HABP2: variants seen among roughly 807,000 people sequenced by gnomAD.
HABP2 encodes hyaluronan binding protein 2.
In HABP2, 65 loss-of-function variants were observed where a neutral mutation model predicts 66.5. The observed-to-expected ratio is 0.98, with a 90% CI of 0.80 to 1.20. HABP2 has a LOEUF of 1.20. HABP2 is among the 50% of genes most tolerant of loss of function. The pLI is 0.00. For missense variants in HABP2, 786 were observed against 691.0 expected (o/e 1.14, Z -1.54); for synonymous variants, 263 against 253.9 (o/e 1.04, Z -0.34).
chr10:113,589,598 A>G lies in HABP2; in HGVS notation c.*1229A>G. 1 of 1,548,370 alleles carries G rather than the reference A, an allele frequency of 6.5e-7. No homozygotes were observed. Among genetic ancestry groups the G allele is most frequent in the Non-Finnish European group, 8.7e-7 (1 of 1,148,910 alleles). On this transcript the variant is annotated 3_prime_UTR_variant, in exon 13 of 13. Coordinates refer to ENST00000351270, the MANE Select transcript of HABP2 (RefSeq NM_004132.5). Reference sequence around the variant, plus strand: ...CTTTGGCCAAAAATAAACTTTGAAAAGAAACAATGAGTTTGTCTTTCCCCA... The same window carrying G: ...CTTTGGCCAAAAATAAACTTTGAAAGGAAACAATGAGTTTGTCTTTCCCCA...
chr10:113,567,966 G>A (rs758183275), intron 2 of HABP2, among the ~76,000 whole-genome samples: 9 of 152,214 alleles, frequency 5.9e-5, no homozygotes, highest in Non-Finnish European at 8.8e-5. Context: ...CTGCCCTGGT[G>A]ATACCCTCAC....
intron 2 of HABP2, among the ~76,000 whole-genome samples, chr10:113,570,469 T>C (rs565142368): frequency 2.6e-4 from 40 of 152,348 alleles, no homozygotes; most frequent in African/African-American, 9.6e-4. Flanking sequence ...TGCCCCTTTC[T>C]TTCCCAAAGC....
intron 1 of HABP2, among the ~76,000 whole-genome samples, chr10:113,559,158 G>A (rs1379893066): frequency 1.3e-5 from 2 of 152,122 alleles, no homozygotes; most frequent in Non-Finnish European, 2.9e-5. Context: ...CCCAGCCTTC[G>A]CTTGCCTTTT....
intron 2 of HABP2, among the ~76,000 whole-genome samples, chr10:113,572,382 T>C (rs2133764635): frequency 6.6e-6 from 1 of 152,328 alleles, no homozygotes; most frequent in South Asian, 2.1e-4. Context: ...AAGAAGTAAT[T>C]CTTAATGGCC....
chr10:113,554,249 C>T (rs1175528608), intron 1 of HABP2, among the ~76,000 whole-genome samples: 1 of 152,122 alleles, frequency 6.6e-6, no homozygotes, highest in Admixed American at 6.5e-5. Flanking sequence ...CCGCCTTGTT[C>T]GGGAGGGGTG....
In HABP2 at chr10:113,578,770, C is replaced by T. The variant is rs1314499963; in HGVS notation, c.712C>T (p.His238Tyr). ...YNMFMEDAETHGIGEHNFCRN... is the reference protein window; with the variant it reads ...YNMFMEDAETYGIGEHNFCRN... Reference sequence around the variant, plus strand: ...CATGTTTATGGAGGATGCTGAAACCCATGGGATTGGGGAACACAATTTCTG... The same window carrying T: ...CATGTTTATGGAGGATGCTGAAACCTATGGGATTGGGGAACACAATTTCTG... Residue 238 changes from histidine (H) to tyrosine (Y), a missense_variant, in exon 7 of 13, where the codon CAT (histidine) becomes TAT (tyrosine). Physicochemically the swap from His to Tyr is moderately conservative, Grantham distance 83. Transcript: ENST00000351270. The T allele has an allele frequency of 5.0e-6, 8 of 1,612,056 alleles. No individual in the cohort carries two copies. The highest frequency in any genetic ancestry group is 6.8e-6 in the Non-Finnish European group (8 of 1,178,322).
At chr10:113,552,803 G>T (rs1262873629), upstream of HABP2, among the ~76,000 whole-genome samples, 1 of 152,136 alleles carries the variant, frequency 6.6e-6, no homozygotes, top group Non-Finnish European at 1.5e-5. Flanking sequence ...ACGCTGTCAG[G>T]CTTCCTGCTC....
intron 7 of HABP2, among the ~76,000 whole-genome samples, chr10:113,579,110 A>G (rs1845471722): frequency 6.6e-6 from 1 of 150,486 alleles, no homozygotes; most frequent in Admixed American, 6.6e-5. Context: ...AAAAAAAAAA[A>G]TAGCTGAATG....
chr10:113,575,374 T>A (rs1034615086), intron 3 of HABP2, among the ~76,000 whole-genome samples: 3 of 152,232 alleles, frequency 2.0e-5, no homozygotes, highest in Non-Finnish European at 4.4e-5. Context: ...CACTGGGTCA[T>A]TTCCTCCTTG....
intron 7 of HABP2, 83 bp from the exon 8 acceptor site, chr10:113,580,512 C>A: frequency 1.3e-6 from 1 of 775,312 alleles, no homozygotes; most frequent in Admixed American, 1.8e-5. Flanking sequence ...AAGAGTCTAG[C>A]ACCTTCTTAT....
In HABP2 at chr10:113,589,297, T is replaced by A. The variant is rs1476171939; in HGVS notation, c.*928T>A. ...TCATTTAGACCTGGCTTCTTTCTTC[T>A]GAACAAAGTAGGGTTCAAAATGCAG... is the stretch of plus-strand genomic sequence containing the variant. On this transcript the variant is annotated 3_prime_UTR_variant, in exon 13 of 13. Transcript: ENST00000351270. 1.2e-5 allele frequency: 7 copies of A among 583,866 alleles called. No individual in the cohort carries two copies. The highest frequency in any genetic ancestry group is 2.1e-5 in the Non-Finnish European group (7 of 330,804). 36.2% of individuals were successfully genotyped at this position (583,866 alleles called of 1,614,324 possible). A position where few individuals can be genotyped will look rare whatever the true frequency, so the allele number is the denominator to read the frequency against.
intron 7 of HABP2, 137 bp from the exon 8 acceptor site, chr10:113,580,458 A>G: frequency 4.8e-6 from 3 of 620,598 alleles, no homozygotes; most frequent in South Asian, 3.9e-5. Context: ...AAGGTTTTGT[A>G]ACCTGATGGA....
chr10:113,551,295 C>A (rs976871865), upstream of HABP2, among the ~76,000 whole-genome samples: 1 of 152,178 alleles, frequency 6.6e-6, no homozygotes, highest in African/African-American at 2.4e-5. Flanking sequence ...AATAGCAATA[C>A]GGCTGTGACA....
chr10:113,558,458 T>C (rs1845040820), intron 1 of HABP2, among the ~76,000 whole-genome samples: 1 of 152,184 alleles, frequency 6.6e-6, no homozygotes. Context: ...TTTATCCTCC[T>C]TAGAGGAAAG....
intron 4 of HABP2, 49 bp downstream of exon 4, chr10:113,576,053 G>T (rs753238194): frequency 4.0e-6 from 4 of 1,007,190 alleles, no homozygotes; most frequent in Non-Finnish European, 6.4e-6. Context: ...TAAACAAGAG[G>T]CAGTCCTTTC....
chr10:113,587,336 AAC>A (rs759971547), intron 12 of HABP2, among the ~76,000 whole-genome samples: 2 of 123,346 alleles, frequency 1.6e-5, no homozygotes, highest in East Asian at 2.3e-4. Flanking sequence ...AAAACAAACA[AAC>A]AAAAAAAAAC....
intron 4 of HABP2, among the ~76,000 whole-genome samples, 192 bp downstream of exon 4, chr10:113,576,196 T>A (rs1159560358): frequency 6.6e-6 from 1 of 152,206 alleles, no homozygotes. Context: ...GAGATGGAAC[T>A]AGTACATCCA....
chr10:113,580,830 C>G (rs1441574296), intron 8 of HABP2, 138 bp downstream of exon 8: 1 of 597,952 alleles, frequency 1.7e-6, no homozygotes, highest in Non-Finnish European at 3.0e-6. Flanking sequence ...CAGTGCCAGC[C>G]CAACTGCCCA....
chr10:113,559,541 G>A lies in HABP2; in HGVS notation c.69+6351G>A, dbSNP rs145246499. Reference sequence around the variant, plus strand: ...CAAGAGAGCTTGGTATAACCAAAGCGTGGCCAAGGGCAGAGTCGCCTGGGC... The same window carrying A: ...CAAGAGAGCTTGGTATAACCAAAGCATGGCCAAGGGCAGAGTCGCCTGGGC... On this transcript the variant is annotated intron_variant, in intron 1 of 12. Coordinates refer to ENST00000351270, the MANE Select transcript of HABP2 (RefSeq NM_004132.5). 1.6e-4 allele frequency among the ~76,000 whole-genome samples: 25 copies of A among 152,336 alleles called. No individual in the cohort carries two copies. The East Asian group carries it at 2.5e-3, about 15-fold the overall frequency.
Sources: allele counts gnomAD v4.1 joint callset (sites outside exome capture counted in the v4.1 genomes callset), GRCh38; gene constraint gnomAD v4.1.1; transcripts MANE v1.5; gene names NCBI Gene and HGNC (gene_info 2026-07-23, HGNC 2026-07-21).